CCNY: variants seen among roughly 807,000 people sequenced by gnomAD.
CCNY encodes the protein cyclin-Y.
A neutral mutation model predicts 42.8 loss-of-function variants in CCNY; 19 were observed. The observed-to-expected ratio is 0.44, with a 90% CI of 0.31 to 0.65. CCNY has a LOEUF of 0.65. Ranked by LOEUF, CCNY falls within the 30% of genes least tolerant of loss-of-function variation. The probability of loss-of-function intolerance (pLI) is 0.07; values close to 1 mark genes in which losing one functional copy is unlikely to be tolerated. For missense variants in CCNY, 370 were observed against 437.3 expected (o/e 0.85, Z 1.37); for synonymous variants, 165 against 162.7 (o/e 1.01, Z -0.11).
intron 3 of CCNY, among the ~76,000 whole-genome samples, chr10:35,289,020 A>C (rs1272352733): frequency 6.6e-6 from 1 of 152,174 alleles, no homozygotes; most frequent in Non-Finnish European, 1.5e-5. Flanking sequence ...CTGAATCTTT[A>C]CATTGATATT....
intron 3 of CCNY, chr10:35,314,775 TGTCC>T (rs1269534748): frequency 6.6e-6 from 1 of 152,142 alleles, no homozygotes; most frequent in Non-Finnish European, 1.5e-5. Context: ...CAATGAGTAT[TGTCC>T]CATTAATATT....
chr10:35,441,775 T>C (rs895747246), intron 1 of CCNY, among the ~76,000 whole-genome samples: 1 of 152,154 alleles, frequency 6.6e-6, no homozygotes, highest in African/African-American at 2.4e-5. Flanking sequence ...CAGTAGGTTA[T>C]TAGCATAAAC....
At chr10:35,567,325 G>A (rs990170585) in intron 9 of CCNY, among the ~76,000 whole-genome samples, 6 of 152,324 alleles carry the variant, frequency 3.9e-5, no homozygotes, top group Non-Finnish European at 5.9e-5. Flanking sequence ...CAGCATATTT[G>A]TATGTGGCTC....
chr10:35,337,738 T>C (rs1156561213), intron 1 of CCNY, among the ~76,000 whole-genome samples: 2 of 152,202 alleles, frequency 1.3e-5, no homozygotes, highest in Non-Finnish European at 2.9e-5. Context: ...TACCGTTTTT[T>C]TTAAAAAATG....
chr10:35,433,456 A>G (rs1838457764), intron 1 of CCNY, among the ~76,000 whole-genome samples: 1 of 152,212 alleles, frequency 6.6e-6, no homozygotes, highest in Non-Finnish European at 1.5e-5. Context: ...CTTGTCAAAT[A>G]GTATAACACA....
intron 1 of CCNY, among the ~76,000 whole-genome samples, chr10:35,401,610 CAT>C (rs774548276): frequency 5.4e-5 from 8 of 148,768 alleles, no homozygotes; most frequent in South Asian, 2.1e-4. Context: ...GTAATTGTCT[CAT>C]GTGTGCGTGT....
At chr10:35,421,769 C>T (rs2135264356) in intron 1 of CCNY, among the ~76,000 whole-genome samples, 2 of 152,190 alleles carry the variant, frequency 1.3e-5, no homozygotes, top group South Asian at 4.1e-4. Flanking sequence ...TGTTTTCTGC[C>T]CTTGCTCTTA....
chr10:35,309,635 G>T (rs1048175447), intron 3 of CCNY, among the ~76,000 whole-genome samples: 12 of 152,036 alleles, frequency 7.9e-5, no homozygotes, highest in African/African-American at 2.7e-4. Flanking sequence ...TGCTTAGGCT[G>T]GTCTCGAACT....
Position 35,337,233 on chromosome 10 carries a change from A to C in CCNY, c.154+26A>C, listed in dbSNP as rs866875967. 1.0e-5 allele frequency: 15 copies of C among 1,471,098 alleles called. No individual in the cohort carries two copies. In the Middle Eastern group the frequency reaches 6.1e-4, roughly 60 times the overall value. 91.1% of individuals were successfully genotyped at this position (1,471,098 alleles called of 1,614,324 possible). A position where few individuals can be genotyped will look rare whatever the true frequency, so the allele number is the denominator to read the frequency against. On this transcript the variant is annotated intron_variant, in intron 1 of 9. Transcript: ENST00000374704. ...GTGAGTGCGGCCCGCCGAGCCCCCT[A>C]CCCGCCCCCGCGGCAACAGTCGCAC...
intron 1 of CCNY, chr10:35,449,616 A>AT (rs1307034398): frequency 8.8e-6 from 2 of 227,448 alleles, no homozygotes; most frequent in Admixed American, 6.5e-5. Context: ...TGCTGATGGG[A>AT]AATGCATGAT....
intron 1 of CCNY, chr10:35,449,693 A>C: frequency 1.1e-6 from 1 of 940,992 alleles, no homozygotes; most frequent in African/African-American, 1.8e-5. Flanking sequence ...CCAGGGAGGT[A>C]CCTTTTTAGG....
At chr10:35,406,023 G>A (rs1363175324) in intron 1 of CCNY, among the ~76,000 whole-genome samples, 2 of 152,112 alleles carry the variant, frequency 1.3e-5, no homozygotes, top group Non-Finnish European at 2.9e-5. Flanking sequence ...TGCTGGAGAT[G>A]TGGCTGGGGT....
upstream of CCNY, among the ~76,000 whole-genome samples, chr10:35,333,893 T>A (rs901261683): frequency 6.6e-6 from 1 of 151,538 alleles, no homozygotes; most frequent in Non-Finnish European, 1.5e-5. Flanking sequence ...GTTGTGGGGG[T>A]CGGCACCCAG....
intron 3 of CCNY, among the ~76,000 whole-genome samples, chr10:35,264,094 G>A (rs2095722480): frequency 6.6e-6 from 1 of 152,164 alleles, no homozygotes; most frequent in South Asian, 2.1e-4. Context: ...TGGGCATTTA[G>A]GTTGATTCCA....
chr10:35,425,129 C>T (rs1838238789), intron 1 of CCNY, among the ~76,000 whole-genome samples: 1 of 152,194 alleles, frequency 6.6e-6, no homozygotes, highest in African/African-American at 2.4e-5. Context: ...TGTTCCTCTG[C>T]CCCAGAAACT....
At chr10:35,377,114 A>G (rs1257807998) in intron 1 of CCNY, among the ~76,000 whole-genome samples, 2 of 152,236 alleles carry the variant, frequency 1.3e-5, no homozygotes, top group African/African-American at 2.4e-5. Flanking sequence ...AAAAATTCCT[A>G]TCGCTGAGTG....
chr10:35,415,518 G>A (rs1481266985), intron 1 of CCNY, among the ~76,000 whole-genome samples: 1 of 151,868 alleles, frequency 6.6e-6, no homozygotes, highest in Non-Finnish European at 1.5e-5. Context: ...ATGGAGCTGG[G>A]TCCTGAGGGC....
chr10:35,323,126 G>A (rs1181178966), intron 3 of CCNY, among the ~76,000 whole-genome samples: 4 of 152,070 alleles, frequency 2.6e-5, no homozygotes, highest in African/African-American at 7.2e-5. Context: ...ACAGGGTTTC[G>A]TCATGTTGGC....
rs1837763130 is a variant in CCNY at position 35,406,233 on chromosome 10, A to ATTTATTTATTTATTTT, written c.154+69037_154+69038insATTTTTTTATTTATTT. The stretch of plus-strand genomic sequence containing the variant: ...TATTTATTTATTTATTTATTTATTT[A>ATTTATTTATTTATTTT]TTTATTTATTTTTTTATTGATCATT... On this transcript the variant is annotated intron_variant, in intron 1 of 9. Coordinates refer to ENST00000374704, the MANE Select transcript of CCNY (RefSeq NM_145012.6). Among the ~76,000 whole-genome samples the ATTTATTTATTTATTTT allele has an allele frequency of 2.0e-4, 20 of 99,318 alleles. 1 individual carries two copies. The Admixed American group carries it at 2.0e-3, about 10-fold the overall frequency. 65.2% of individuals were successfully genotyped at this position (99,318 alleles called of 152,430 possible).
Sources: allele counts gnomAD v4.1 joint callset (sites outside exome capture counted in the v4.1 genomes callset), GRCh38; gene constraint gnomAD v4.1.1; transcripts MANE v1.5; gene names NCBI Gene and HGNC (gene_info 2026-07-23, HGNC 2026-07-21).